Variants in SLC68A1 observed in about 807,000 individuals in gnomAD.
The protein encoded by SLC68A1 is major facilitator superfamily domain containing 13A.
At chr10:102,468,001 C>T in the SLC68A1 span, among the ~76,000 whole-genome samples, 207 of 150,380 alleles carry the variant, frequency 1.4e-3, no homozygotes, top group African/African-American at 4.7e-3. Context: ...TGTGGTGGGC[C>T]GGGTGGTCTT....
chr10:102,468,739 GTC>G, the SLC68A1 span: 2 of 299,084 alleles, frequency 6.7e-6, no homozygotes, highest in Non-Finnish European at 1.3e-5. Flanking sequence ...GGTGTCTGCC[GTC>G]TCTTCCCACA....
At chr10:102,473,655 G>C in the SLC68A1 span, 2 of 1,614,056 alleles carry the variant, frequency 1.2e-6, no homozygotes, top group Middle Eastern at 1.6e-4. Flanking sequence ...TGGTGCGGGG[G>C]CTCTTCCTGC....
the SLC68A1 span, chr10:102,476,754 T>C: frequency 1.0e-6 from 1 of 986,094 alleles, no homozygotes; most frequent in Non-Finnish European, 1.2e-6. Context: ...AGGCCTGCCA[T>C]GGGGCGTGGG....
chr10:102,468,658 C>T, the SLC68A1 span: 7 of 171,246 alleles, frequency 4.1e-5, no homozygotes, highest in Middle Eastern at 2.6e-3. Flanking sequence ...CAGAGCGAGA[C>T]TCTGTCTCAA....
At chr10:102,466,080 T>G in the SLC68A1 span, 44,564 of 151,904 alleles carry the variant, frequency 0.29, 6,948 homozygotes, top group Admixed American at 0.35. Context: ...GCTCCTACCC[T>G]GATCTAGGTG....
At chr10:102,461,782 A>G in the SLC68A1 span, 66,580 of 152,142 alleles carry the variant, frequency 0.44, 16,008 homozygotes, top group Non-Finnish European at 0.54. Flanking sequence ...TGCCATTAGC[A>G]TAAAGGCATT....
At chr10:102,475,297 C>CT in the SLC68A1 span, among the ~76,000 whole-genome samples, 1 of 107,222 alleles carries the variant, frequency 9.3e-6, no homozygotes, top group Non-Finnish European at 2.1e-5. Flanking sequence ...CTCCCTCTTT[C>CT]CAAAAAAAAA....
chr10:102,476,883 A>C, the SLC68A1 span: 340,559 of 984,830 alleles, frequency 0.35, 59,670 homozygotes, highest in Admixed American at 0.37. Context: ...CCCACCTCCC[A>C]CTCCGTCCAC....
the SLC68A1 span, chr10:102,473,448 C>A: frequency 1.0e-6 from 1 of 998,270 alleles, no homozygotes; most frequent in Non-Finnish European, 1.5e-6. Flanking sequence ...GACAGTGAAG[C>A]TCTTAGCACA....
chr10:102,475,787 C>G, the SLC68A1 span: 4 of 1,613,920 alleles, frequency 2.5e-6, no homozygotes, highest in African/African-American at 2.7e-5. Context: ...GCCAGAGCCC[C>G]CAGCTCCAGC....
chr10:102,465,411 C>T, the SLC68A1 span, among the ~76,000 whole-genome samples: 2 of 151,812 alleles, frequency 1.3e-5, no homozygotes, highest in African/African-American at 4.8e-5. Context: ...CGTGACAGAG[C>T]GAGACTCTAT....
chr10:102,465,829 A>G, the SLC68A1 span, among the ~76,000 whole-genome samples: 1 of 152,200 alleles, frequency 6.6e-6, no homozygotes, highest in Non-Finnish European at 1.5e-5. Flanking sequence ...AAGAGAAAAC[A>G]TTAAAAGAGT....
chr10:102,471,059 C>T, the SLC68A1 span: 77 of 1,613,796 alleles, frequency 4.8e-5, no homozygotes, highest in Admixed American at 2.0e-4. Flanking sequence ...GCTGCTGAGG[C>T]GGCGGGTTGA....
chr10:102,475,679 G>A, the SLC68A1 span: 1 of 1,539,836 alleles, frequency 6.5e-7, no homozygotes, highest in Non-Finnish European at 8.8e-7. Context: ...AGGCTTGGAG[G>A]ACAGTGGGCT....
the SLC68A1 span, chr10:102,476,964 A>C: frequency 1.0e-6 from 1 of 985,992 alleles, no homozygotes; most frequent in Non-Finnish European, 1.2e-6. Flanking sequence ...CCTCTGCTGC[A>C]GGGCTCCCCC....
At chr10:102,474,641 T>TTTTA in the SLC68A1 span, among the ~76,000 whole-genome samples, 21 of 152,036 alleles carry the variant, frequency 1.4e-4, no homozygotes, top group Admixed American at 6.6e-4. Flanking sequence ...AGGGTTTTAT[T>TTTTA]TTTATTTATT....
the SLC68A1 span, among the ~76,000 whole-genome samples, chr10:102,462,370 T>A: frequency 6.6e-6 from 1 of 152,234 alleles, no homozygotes; most frequent in African/African-American, 2.4e-5. Flanking sequence ...ACTCAGATAG[T>A]AAGTTAAAGA....
chr10:102,464,419 C>T, the SLC68A1 span, among the ~76,000 whole-genome samples: 2 of 151,460 alleles, frequency 1.3e-5, no homozygotes, highest in Non-Finnish European at 1.5e-5. Flanking sequence ...CCACTGCACT[C>T]TAGCCTGGGC....
chr10:102,473,442 G>A, the SLC68A1 span: 5 of 952,622 alleles, frequency 5.2e-6, no homozygotes, highest in South Asian at 3.2e-5. Context: ...AACTAAGACA[G>A]TGAAGCTCTT....
Sources: gnomAD v4.1 joint callset for allele counts (sites outside exome capture counted in the v4.1 genomes callset) on GRCh38, gnomAD v4.1.1 for gene constraint, MANE v1.5 for transcripts, NCBI Gene and HGNC (gene_info 2026-07-23, HGNC 2026-07-21) for gene names.